TRAK2: variants seen among roughly 807,000 people sequenced by gnomAD.
The protein encoded by TRAK2 is trafficking kinesin protein 2.
A neutral mutation model predicts 104.6 loss-of-function variants in TRAK2; 81 were observed. The ratio of observed to expected loss-of-function variants is 0.77; its 90% CI spans 0.65 to 0.93. TRAK2 has a LOEUF of 0.93. Among genes scored for constraint, TRAK2 ranks in the 40% least tolerant of loss-of-function variants. The pLI is 0.00. For synonymous variants in TRAK2, 406 were observed against 394.4 expected (o/e 1.03, Z -0.35); for missense variants, 1,002 against 1,089.0 (o/e 0.92, Z 1.12).
At position 201,381,058 on chromosome 2, in the gene TRAK2, G is replaced by C. The variant is rs369762063; in HGVS notation, c.2230C>G (p.Leu744Val). Residue 744 changes from leucine (L) to valine (V), a missense_variant, in exon 16 of 16, where the codon CTT becomes GTT. Transcript: ENST00000332624. ...GCAGAGATGCCTCGCTCTTGTAGAA[G>C]TTTGGCCAAGCTCATGGTGCTACTG... ...TFSSTMSLAK[L>V]LQERGISAKV... The C allele has an allele frequency of 2.2e-5, 36 of 1,613,988 alleles. No individual in the cohort carries two copies. The highest frequency in any genetic ancestry group is 3.0e-5 in the Non-Finnish European group (35 of 1,179,990).
chr2:201,449,989 G>A (rs986428940), intron 1 of TRAK2, among the ~76,000 whole-genome samples: 17 of 151,844 alleles, frequency 1.1e-4, no homozygotes, highest in South Asian at 1.0e-3. Flanking sequence ...CACAGCGCCC[G>A]GCCAAATGTT....
intron 1 of TRAK2, among the ~76,000 whole-genome samples, chr2:201,423,869 G>T (rs1951763959): frequency 6.6e-6 from 1 of 152,024 alleles, no homozygotes; most frequent in Non-Finnish European, 1.5e-5. Context: ...AGAAAAAAAA[G>T]ATTATATTTT....
Position 201,420,574 on chromosome 2 carries a change from T to A in TRAK2, c.-67A>T. The A allele has an allele frequency of 1.6e-6, 2 of 1,273,160 alleles. No individual in the cohort carries two copies. Among genetic ancestry groups the A allele is most frequent in the Non-Finnish European group, 1.1e-6 (1 of 877,416 alleles). The allele number at this position is 1,273,160 out of a possible 1,614,324, so 78.9% of individuals were successfully genotyped here. A position where few individuals can be genotyped will look rare whatever the true frequency, so the allele number is the denominator to read the frequency against. ...TATGAATCAGAGTAAAGGAAATCCA[T>A]CAAGCCATTCAATAATGAAATGGAT... is the stretch of plus-strand genomic sequence containing the variant. On this transcript the variant is annotated 5_prime_UTR_variant, in exon 2 of 16. It removes an upstream start codon present in the reference 5' UTR. Transcript: ENST00000332624.
At chr2:201,426,425 T>C (rs1428912931) in intron 1 of TRAK2, among the ~76,000 whole-genome samples, 1 of 152,218 alleles carries the variant, frequency 6.6e-6, no homozygotes, top group Non-Finnish European at 1.5e-5. Context: ...TATAATTATT[T>C]CATTACATAT....
At chr2:201,428,530 C>G (rs1469409712) in intron 1 of TRAK2, among the ~76,000 whole-genome samples, 2 of 152,084 alleles carry the variant, frequency 1.3e-5, no homozygotes, top group African/African-American at 4.8e-5. Context: ...TGGTCTATAT[C>G]TCTGTTTTGG....
At chr2:201,383,775 G>C (rs1439465636) in intron 15 of TRAK2, among the ~76,000 whole-genome samples, 2 of 152,164 alleles carry the variant, frequency 1.3e-5, no homozygotes, top group Non-Finnish European at 2.9e-5. Context: ...CAGAAGTGAA[G>C]GTGAGCTTGT....
chr2:201,404,547 T>C lies in TRAK2; in HGVS notation c.286+2856A>G, dbSNP rs556781523. Reference sequence around the variant, plus strand: ...CTTCACTAATCCTTACTTTATGTTCTGTCCCTGCATAATTTCACATTAACT... The same window carrying C: ...CTTCACTAATCCTTACTTTATGTTCCGTCCCTGCATAATTTCACATTAACT... On this transcript the variant is annotated intron_variant, in intron 3 of 15. Coordinates refer to ENST00000332624, the MANE Select transcript of TRAK2 (RefSeq NM_015049.3). 2.6e-5 allele frequency among the ~76,000 whole-genome samples: 4 copies of C among 152,364 alleles called. No individual in the cohort carries two copies. The South Asian group carries it at 8.3e-4, about 32-fold the overall frequency.
intron 2 of TRAK2, among the ~76,000 whole-genome samples, chr2:201,415,172 T>G (rs2540338): frequency 6.6e-6 from 1 of 151,980 alleles, no homozygotes; most frequent in African/African-American, 2.4e-5. Context: ...ACACTAGAGC[T>G]TGGTCTAGAG....
chr2:201,386,157 T>C, intron 14 of TRAK2, 61 bp downstream of exon 14: 1 of 1,580,264 alleles, frequency 6.3e-7, no homozygotes, highest in Non-Finnish European at 8.7e-7. Context: ...GACTGTCTAG[T>C]AAGTCAGAAT....
rs763706259 is a variant in TRAK2, at chr2:201,399,415, C to G, written c.442G>C (p.Glu148Gln). 6.2e-7 allele frequency: 1 copy of G among 1,611,936 alleles called. No individual in the cohort carries two copies. The highest frequency in any genetic ancestry group is 8.5e-7 in the Non-Finnish European group (1 of 1,178,534). Residue 148 changes from glutamate (E) to glutamine (Q), a missense_variant, in exon 5 of 16, where the codon GAA (glutamate) becomes CAA (glutamine). Coordinates refer to ENST00000332624, the MANE Select transcript of TRAK2 (RefSeq NM_015049.3). ...KRNHVLSEQN[E>Q]SLEEQLGQAF... ...TGTCCCAATTGCTCCTCCAGGGATT[C>G]GTTCTGCTCAGATAAGACATGGTTC...
intron 14 of TRAK2, among the ~76,000 whole-genome samples, chr2:201,385,695 A>G (rs1481452529): frequency 1.3e-5 from 2 of 152,240 alleles, no homozygotes; most frequent in Non-Finnish European, 2.9e-5. Flanking sequence ...GAAACAACAT[A>G]TTGCAATAGA....
At chr2:201,423,435 G>C (rs1951760153) in intron 1 of TRAK2, 1 of 152,136 alleles carries the variant, frequency 6.6e-6, no homozygotes, top group Non-Finnish European at 1.5e-5. Flanking sequence ...TCAGGAACTA[G>C]GGAGAGGGGA....
intron 2 of TRAK2, among the ~76,000 whole-genome samples, chr2:201,414,975 A>G (rs1951679643): frequency 6.6e-6 from 1 of 151,894 alleles, no homozygotes; most frequent in South Asian, 2.1e-4. Context: ...TTAGTAGATT[A>G]AGCTAAATAT....
chr2:201,441,983 T>A (rs1035333314), intron 1 of TRAK2, among the ~76,000 whole-genome samples: 1 of 149,848 alleles, frequency 6.7e-6, no homozygotes, highest in African/African-American at 2.4e-5. Flanking sequence ...TGAGCCACTG[T>A]GCCCGGCCGA....
chr2:201,407,759 G>GTT (rs10689466), intron 2 of TRAK2, among the ~76,000 whole-genome samples, 162 bp from the exon 3 acceptor site: 9,990 of 151,200 alleles, frequency 0.066, 415 homozygotes, highest in African/African-American at 0.11. Flanking sequence ...TAGTAGTATA[G>GTT]TTTTTTTTTC....
chr2:201,414,583 GATCACCACA>G (rs1167738900), intron 2 of TRAK2, among the ~76,000 whole-genome samples: 1 of 152,152 alleles, frequency 6.6e-6, no homozygotes, highest in Admixed American at 6.5e-5. Context: ...GCAGTGGCTT[GATCACCACA>G]ATGAGATAGA....
intron 12 of TRAK2, among the ~76,000 whole-genome samples, chr2:201,389,021 C>T (rs937954342): frequency 6.6e-6 from 1 of 152,132 alleles, no homozygotes; most frequent in African/African-American, 2.4e-5. Context: ...TTCAAACTTA[C>T]ATTTATCCTA....
At chr2:201,409,468 G>C (rs760545910) in intron 2 of TRAK2, among the ~76,000 whole-genome samples, 1 of 152,182 alleles carries the variant, frequency 6.6e-6, no homozygotes, top group Non-Finnish European at 1.5e-5. Flanking sequence ...AGTCACATCA[G>C]AGTGCTTTGT....
chr2:201,443,320 T>C (rs1381239758), intron 1 of TRAK2, among the ~76,000 whole-genome samples: 1 of 152,202 alleles, frequency 6.6e-6, no homozygotes, highest in African/African-American at 2.4e-5. Flanking sequence ...ATCTCTGGTT[T>C]ATATTGTTGA....
Sources: allele counts gnomAD v4.1 joint callset (sites outside exome capture counted in the v4.1 genomes callset), GRCh38; gene constraint gnomAD v4.1.1; transcripts MANE v1.5; gene names NCBI Gene and HGNC (gene_info 2026-07-23, HGNC 2026-07-21).